POLR3A: variants seen among roughly 807,000 people sequenced by gnomAD.
POLR3A encodes the protein DNA-directed RNA polymerase III subunit RPC1.
POLR3A carries 112 observed loss-of-function variants against 152.8 expected under a neutral mutation model. The observed-to-expected ratio is 0.73, with a 90% CI of 0.63 to 0.86. The LOEUF (loss-of-function observed/expected upper bound fraction) is 0.86, where lower values mean the gene tolerates loss of function less well. POLR3A is among the 40% of genes least tolerant of loss of function. The pLI, the probability that POLR3A is intolerant of heterozygous loss-of-function variation, is 0.00. For missense variants in POLR3A, 1,385 were observed against 1,743.1 expected, an observed-to-expected ratio of 0.79 and a Z score of 3.66; for synonymous variants, 615 against 652.1, an observed-to-expected ratio of 0.94 and a Z score of 0.87.
chr10:78,025,656 A>T lies in POLR3A; in HGVS notation c.284T>A (p.Val95Glu). ...GCCTATGACTGCTCTGAAGTACCCT[A>T]CATGAAAACACGGCAACTCCAGGTC... ...YIDLELPCFH[V>E]GYFRAVIGIL... Residue 95 changes from valine to glutamate, a missense_variant, in exon 3 of 31, where the codon GTA (valine) becomes GAA (glutamate). This residue lies in a region of POLR3A where 493 missense variants were observed against 647.5 expected (regional missense o/e 0.76). Transcript: ENST00000372371. 6.2e-7 allele frequency: 1 copy of T among 1,614,128 alleles called. No individual in the cohort carries two copies. The highest frequency in any genetic ancestry group is 8.5e-7 in the Non-Finnish European group (1 of 1,179,998).
chr10:78,024,978 A>G lies in POLR3A; in HGVS notation c.483T>C (p.Ala161=). Residue 161 remains alanine, a synonymous_variant, in exon 4 of 31, where the codon GCT becomes GCC. Coordinates refer to ENST00000372371, the MANE Select transcript of POLR3A (RefSeq NM_007055.4). Reference sequence around the variant, plus strand: ...TCTGTGCATTCCACTCACCATTAAAAGCGCCACAGTGATGGCAGATGTTTT... The same window carrying G: ...TCTGTGCATTCCACTCACCATTAAAGGCGCCACAGTGATGGCAGATGTTTT... ...RKKNICHHCG[A]FNGTVKKCGL... 6.2e-7 allele frequency: 1 copy of G among 1,614,186 alleles called. No homozygotes were observed. The highest frequency in any genetic ancestry group is 1.1e-5 in the South Asian group (1 of 91,084).
intron 21 of POLR3A, among the ~76,000 whole-genome samples, chr10:77,990,799 A>C (rs1164204592): frequency 6.6e-6 from 1 of 152,120 alleles, no homozygotes; most frequent in East Asian, 1.9e-4. Flanking sequence ...TTTTTAGTAG[A>C]GACAGGGTCT....
At chr10:78,027,982 G>A (rs148214030) in intron 1 of POLR3A, among the ~76,000 whole-genome samples, 3 of 152,300 alleles carry the variant, frequency 2.0e-5, no homozygotes, top group South Asian at 2.1e-4. Context: ...AAGGGCCAGT[G>A]TCGATGTAGA....
chr10:78,008,290 T>G (rs1249342953), intron 14 of POLR3A, among the ~76,000 whole-genome samples: 1 of 152,192 alleles, frequency 6.6e-6, no homozygotes, highest in Non-Finnish European at 1.5e-5. Flanking sequence ...GTACAGCCTA[T>G]ACAACAACCA....
chr10:78,013,332 C>T, intron 11 of POLR3A: 1 of 364,750 alleles, frequency 2.7e-6, no homozygotes, highest in Non-Finnish European at 5.2e-6. Flanking sequence ...TTGCTATATT[C>T]TTTTCTTACC....
rs1236052196 is a variant in POLR3A, at chr10:78,021,851, G to A, written c.1048+9C>T. On this transcript the variant is annotated intron_variant, in intron 7 of 30. Transcript: ENST00000372371. ...GGGCTGGCTTCTGCACATCTTGTGGGAAACCTACCCTGTTTTCCCTTCAGG... is the reference window on the plus strand; with the variant it reads ...GGGCTGGCTTCTGCACATCTTGTGGAAAACCTACCCTGTTTTCCCTTCAGG... 6.2e-7 allele frequency: 1 copy of A among 1,613,350 alleles called. No homozygotes were observed. The highest frequency in any genetic ancestry group is 8.5e-7 in the Non-Finnish European group (1 of 1,180,028).
intron 19 of POLR3A, among the ~76,000 whole-genome samples, chr10:77,997,120 G>C (rs1254723532): frequency 6.6e-6 from 1 of 152,024 alleles, no homozygotes; most frequent in Non-Finnish European, 1.5e-5. Context: ...AACCCTTCAT[G>C]CTAAAAACTC....
In POLR3A at chr10:78,002,185, G is replaced by A. The variant is rs1433772769; in HGVS notation, c.2359+12C>T. The A allele has an allele frequency of 2.6e-6, 4 of 1,536,132 alleles. No individual in the cohort carries two copies. The highest frequency in any genetic ancestry group is 3.6e-6 in the Non-Finnish European group (4 of 1,126,586). ...AACACACTGCCAGCAGGTGAGAGAG[G>A]GGCATGCAGACCTTTGGAGCCGCAC... On this transcript the variant is annotated intron_variant, in intron 17 of 30. Coordinates refer to ENST00000372371, the MANE Select transcript of POLR3A (RefSeq NM_007055.4).
chr10:78,002,297 C>T lies in POLR3A; in HGVS notation c.2259G>A (p.Leu753=). 1 of 1,597,204 alleles carries T rather than the reference C, an allele frequency of 6.3e-7. No individual in the cohort carries two copies. The highest frequency in any genetic ancestry group is 8.5e-7 in the Non-Finnish European group (1 of 1,171,554). Residue 753 remains leucine, a synonymous_variant, in exon 17 of 31, where the codon CTG becomes CTA. Transcript: ENST00000372371. ...TAEETLEALI[L]KELSVIRDHA... ...GGTCACGGATCACAGACAGCTCCTT[C>T]AGGATCAGTGCCTAGTGGGAGAAAA...
At chr10:77,992,838 C>A (rs1847262606) in intron 20 of POLR3A, among the ~76,000 whole-genome samples, 1 of 151,732 alleles carries the variant, frequency 6.6e-6, no homozygotes, top group Non-Finnish European at 1.5e-5. Context: ...CTGCACTTGG[C>A]CTTTTTCCTT....
intron 10 of POLR3A, among the ~76,000 whole-genome samples, chr10:78,014,066 A>G (rs1847492842): frequency 6.6e-6 from 1 of 152,052 alleles, no homozygotes; most frequent in Admixed American, 6.5e-5. Flanking sequence ...CTGAGGCAGG[A>G]GAATCGCTTG....
chr10:78,023,030 C>T (rs1019743007), intron 5 of POLR3A, among the ~76,000 whole-genome samples: 10 of 151,786 alleles, frequency 6.6e-5, no homozygotes, highest in Non-Finnish European at 1.3e-4. Context: ...TGGTGGCACA[C>T]GCCTGTAATC....
chr10:77,979,993 A>C, intron 30 of POLR3A, 148 bp downstream of exon 30: 1 of 770,532 alleles, frequency 1.3e-6, no homozygotes, highest in South Asian at 1.4e-5. Flanking sequence ...TAAAAGATCC[A>C]GCAGTTCCAA....
In POLR3A at chr10:78,009,812, C is replaced by T. The variant is rs982883357; in HGVS notation, c.1770+52G>A. The T allele has an allele frequency of 4.3e-6, 7 of 1,609,964 alleles. No individual in the cohort carries two copies. The Admixed American group carries it at 6.7e-5, about 15-fold the overall frequency. ...GTTCCACTCATTTCACCAGTCTACCCCCACAGACACATACACACACCTGTG... is the reference window on the plus strand; with the variant it reads ...GTTCCACTCATTTCACCAGTCTACCTCCACAGACACATACACACACCTGTG... On this transcript the variant is annotated intron_variant, in intron 13 of 30. Coordinates refer to ENST00000372371, the MANE Select transcript of POLR3A (RefSeq NM_007055.4).
chr10:77,984,510 A>AT (rs1847179378), intron 24 of POLR3A, among the ~76,000 whole-genome samples: 1 of 152,020 alleles, frequency 6.6e-6, no homozygotes, highest in Admixed American at 6.6e-5. Flanking sequence ...CGCCCAGCTA[A>AT]TTTTTTGTAT....
At chr10:78,026,741 G>A (rs982053514) in intron 1 of POLR3A, among the ~76,000 whole-genome samples, 1 of 152,112 alleles carries the variant, frequency 6.6e-6, no homozygotes, top group Non-Finnish European at 1.5e-5. Context: ...GAGTGATCAT[G>A]CCACTCACAT....
At chr10:78,007,959 T>A in intron 14 of POLR3A, 93 bp from the exon 15 acceptor site, 1 of 848,334 alleles carries the variant, frequency 1.2e-6, no homozygotes, top group Middle Eastern at 2.8e-4. Context: ...TATGTTCCCA[T>A]ACTGACACTT....
At chr10:78,027,065 G>A (rs565672212) in intron 1 of POLR3A, among the ~76,000 whole-genome samples, 2 of 152,146 alleles carry the variant, frequency 1.3e-5, no homozygotes, top group African/African-American at 2.4e-5. Flanking sequence ...ACAAACAAAC[G>A]AATATACAAA....
rs773239909 is a variant in POLR3A at position 78,000,962 on chromosome 10, C to T, written c.2478+14G>A. ...AGAGATCTTCACAGTTCTACCTGATCTGCTACTGCTTACCTTTGAGTGTTT... is the reference window on the plus strand; with the variant it reads ...AGAGATCTTCACAGTTCTACCTGATTTGCTACTGCTTACCTTTGAGTGTTT... On this transcript the variant is annotated intron_variant, in intron 18 of 30. Transcript: ENST00000372371. 6.1e-6 allele frequency: 8 copies of T among 1,304,480 alleles called. No homozygotes were observed. Among genetic ancestry groups the T allele is most frequent in the Non-Finnish European group, 8.9e-6 (8 of 903,736 alleles). 80.8% of individuals were successfully genotyped at this position (1,304,480 alleles called of 1,614,324 possible). A position where few individuals can be genotyped will look rare whatever the true frequency, so the allele number is the denominator to read the frequency against.
Sources: gnomAD v4.1 joint callset for allele counts (sites outside exome capture counted in the v4.1 genomes callset) on GRCh38, gnomAD v4.1.1 for gene constraint, gnomAD v4.1.1 regional missense constraint, MANE v1.5 for transcripts, NCBI Gene and HGNC (gene_info 2026-07-23, HGNC 2026-07-21) for gene names.